Variants in STK33 observed in about 807,000 individuals in gnomAD.
STK33 encodes the protein serine/threonine-protein kinase 33.
A neutral mutation model predicts 58.0 loss-of-function variants in STK33; 52 were observed. The observed-to-expected ratio is 0.90, with a 90% CI of 0.72 to 1.13. The LOEUF (loss-of-function observed/expected upper bound fraction) is 1.13, where lower values mean the gene tolerates loss of function less well. STK33 is among the 50% of genes most tolerant of loss of function. STK33 has a pLI of 0.00. For missense variants in STK33, 630 were observed against 604.2 expected (o/e 1.04, Z -0.45); for synonymous variants, 215 against 200.1 (o/e 1.07, Z -0.63).
intron 14 of STK33, 50 bp from the exon 15 acceptor site, chr11:8,413,742 G>C: frequency 6.7e-7 from 1 of 1,502,864 alleles, no homozygotes; most frequent in Non-Finnish European, 9.2e-7. Context: ...AGAGAATTGA[G>C]ACGATACCTA....
intron 1 of STK33, among the ~76,000 whole-genome samples, chr11:8,500,528 A>C (rs535916206): frequency 1.3e-5 from 2 of 152,300 alleles, no homozygotes; most frequent in East Asian, 3.9e-4. Flanking sequence ...TGTACACATG[A>C]AACTATAAAA....
intron 1 of STK33, among the ~76,000 whole-genome samples, chr11:8,559,882 A>C (rs1039607961): frequency 3.9e-5 from 6 of 152,124 alleles, no homozygotes; most frequent in African/African-American, 1.4e-4. Flanking sequence ...GTTGTAAATA[A>C]GCTCATACTA....
At chr11:8,586,562 A>G (rs963865301) in intron 1 of STK33, among the ~76,000 whole-genome samples, 5 of 151,938 alleles carry the variant, frequency 3.3e-5, no homozygotes, top group African/African-American at 1.2e-4. Flanking sequence ...AGTGGCTCAC[A>G]CCTGTAATCC....
chr11:8,522,682 A>T (rs1199704227), intron 1 of STK33, among the ~76,000 whole-genome samples: 1 of 152,186 alleles, frequency 6.6e-6, no homozygotes, highest in African/African-American at 2.4e-5. Context: ...TCAAACTAAA[A>T]ATCTGCACCA....
intron 15 of STK33, among the ~76,000 whole-genome samples, chr11:8,405,580 A>C (rs1938985694): frequency 6.6e-6 from 1 of 152,250 alleles, no homozygotes; most frequent in South Asian, 2.1e-4. Flanking sequence ...GAATCATTTT[A>C]CCAGTTTTTA....
chr11:8,515,061 A>G (rs1480486820), intron 1 of STK33, among the ~76,000 whole-genome samples: 3 of 152,216 alleles, frequency 2.0e-5, no homozygotes, highest in Non-Finnish European at 2.9e-5. Context: ...GAACTGGAAG[A>G]GAAGTCAGAA....
intron 7 of STK33, 41 bp from the exon 8 acceptor site, chr11:8,461,950 C>T (rs1947579881): frequency 6.8e-7 from 1 of 1,464,892 alleles, no homozygotes; most frequent in South Asian, 1.3e-5. Flanking sequence ...TAATGAAAAT[C>T]ACTCCTACAT....
At chr11:8,419,072 G>A (rs1941542777) in intron 14 of STK33, among the ~76,000 whole-genome samples, 2 of 152,128 alleles carry the variant, frequency 1.3e-5, no homozygotes, top group South Asian at 4.2e-4. Flanking sequence ...CTGTACAGAA[G>A]CTCTTTAGTT....
chr11:8,462,747 G>A (rs998491519), intron 7 of STK33, among the ~76,000 whole-genome samples: 3 of 152,054 alleles, frequency 2.0e-5, no homozygotes, highest in African/African-American at 4.8e-5. Context: ...GACTTCATTC[G>A]GGTGTAGGTA....
chr11:8,567,672 T>C (rs1470309306), intron 1 of STK33, among the ~76,000 whole-genome samples: 2 of 152,154 alleles, frequency 1.3e-5, no homozygotes, highest in Non-Finnish European at 2.9e-5. Flanking sequence ...TACTGGGAAG[T>C]CTTTTCATTG....
intron 6 of STK33, among the ~76,000 whole-genome samples, chr11:8,468,659 T>G (rs1471939865): frequency 1.3e-5 from 2 of 152,146 alleles, no homozygotes; most frequent in Non-Finnish European, 2.9e-5. Context: ...TTCTTTTGTA[T>G]CTCTTAAAAA....
At chr11:8,530,660 T>C (rs1413176421) in intron 1 of STK33, among the ~76,000 whole-genome samples, 3 of 152,114 alleles carry the variant, frequency 2.0e-5, no homozygotes, top group Admixed American at 6.5e-5. Context: ...GGAAACCTTA[T>C]AGCTTCAAGC....
the STK33 span, among the ~76,000 whole-genome samples, chr11:8,353,822 A>G: frequency 1.7e-4 from 26 of 152,238 alleles, no homozygotes; most frequent in African/African-American, 6.3e-4. Context: ...ATTCTTCCTA[A>G]AACTGCATAT....
At chr11:8,534,455 A>G (rs1247709774) in intron 1 of STK33, among the ~76,000 whole-genome samples, 2 of 152,100 alleles carry the variant, frequency 1.3e-5, no homozygotes, top group Non-Finnish European at 2.9e-5. Flanking sequence ...TAAATTAAAT[A>G]GAATAGAAAG....
downstream of STK33, among the ~76,000 whole-genome samples, chr11:8,391,219 T>C (rs1259396023): frequency 6.6e-6 from 1 of 152,176 alleles, no homozygotes; most frequent in Non-Finnish European, 1.5e-5. Context: ...GGGCTTATGA[T>C]ACGACTGGAA....
intron 1 of STK33, among the ~76,000 whole-genome samples, chr11:8,551,638 T>G (rs1956307448): frequency 6.6e-6 from 1 of 152,182 alleles, no homozygotes; most frequent in Admixed American, 6.5e-5. Context: ...CTTTACTTCT[T>G]CATATCGGAA....
At chr11:8,426,815 A>G (rs1942827830) in intron 14 of STK33, among the ~76,000 whole-genome samples, 1 of 151,776 alleles carries the variant, frequency 6.6e-6, no homozygotes, top group South Asian at 2.1e-4. Context: ...GCCCCCTTCC[A>G]TATCATTGTT....
At chr11:8,394,837 A>G (rs1341506559) in intron 15 of STK33, among the ~76,000 whole-genome samples, 1 of 152,222 alleles carries the variant, frequency 6.6e-6, no homozygotes, top group Non-Finnish European at 1.5e-5. Flanking sequence ...GTAGTAAGAT[A>G]AGAAAATGAT....
At chr11:8,550,423 G>A (rs1205364198) in intron 1 of STK33, among the ~76,000 whole-genome samples, 1 of 152,078 alleles carries the variant, frequency 6.6e-6, no homozygotes, top group Non-Finnish European at 1.5e-5. Flanking sequence ...AGGATTACAG[G>A]CATGAGCCAC....
Sources: allele counts gnomAD v4.1 joint callset (sites outside exome capture counted in the v4.1 genomes callset), GRCh38; gene constraint gnomAD v4.1.1; transcripts MANE v1.5; gene names NCBI Gene and HGNC (gene_info 2026-07-23, HGNC 2026-07-21).